Variants in RNGTT observed in about 807,000 individuals in gnomAD.
The protein encoded by RNGTT is mRNA-capping enzyme.
RNGTT carries 33 observed loss-of-function variants against 79.3 expected under a neutral mutation model. The observed-to-expected ratio is 0.42, with a 90% confidence interval of 0.32 to 0.56. The LOEUF is 0.56. Ranked by LOEUF, RNGTT falls within the 20% of genes least tolerant of loss-of-function variation. The probability of loss-of-function intolerance (pLI) is 0.17; values close to 1 mark genes in which losing one functional copy is unlikely to be tolerated. For synonymous variants in RNGTT, 222 were observed against 235.9 expected (o/e 0.94, Z 0.54); for missense variants, 497 against 739.1 (o/e 0.67, Z 3.80).
chr6:88,841,159 C>T (rs1378645521), intron 11 of RNGTT, among the ~76,000 whole-genome samples: 1 of 152,124 alleles, frequency 6.6e-6, no homozygotes, highest in African/African-American at 2.4e-5. Context: ...CACAGTAGTA[C>T]ACAGGCTCTT....
At chr6:88,670,546 A>G (rs1261793992) in intron 14 of RNGTT, among the ~76,000 whole-genome samples, 6 of 152,184 alleles carry the variant, frequency 3.9e-5, no homozygotes, top group Non-Finnish European at 7.3e-5. Flanking sequence ...TTTCATGAGA[A>G]AGCAAAAAGT....
intron 14 of RNGTT, among the ~76,000 whole-genome samples, chr6:88,652,834 T>C (rs1051153576): frequency 1.3e-5 from 2 of 152,140 alleles, no homozygotes; most frequent in African/African-American, 4.8e-5. Flanking sequence ...TGTGCCTGCA[T>C]TTAGGGTAAG....
chr6:88,828,054 G>A (rs1447256025), intron 11 of RNGTT, among the ~76,000 whole-genome samples: 1 of 152,134 alleles, frequency 6.6e-6, no homozygotes, highest in East Asian at 1.9e-4. Flanking sequence ...AGGGACAGAT[G>A]GCCTCCTCAA....
chr6:88,705,734 G>A (rs1448328418), intron 13 of RNGTT, among the ~76,000 whole-genome samples: 1 of 152,078 alleles, frequency 6.6e-6, no homozygotes, highest in East Asian at 1.9e-4. Flanking sequence ...CTTTGCAAAT[G>A]TTCTGACTAT....
chr6:88,762,745 C>T (rs747947331), intron 13 of RNGTT, among the ~76,000 whole-genome samples: 3 of 152,068 alleles, frequency 2.0e-5, no homozygotes, highest in Non-Finnish European at 2.9e-5. Context: ...TGTATTATGT[C>T]ATTAAAGTCC....
chr6:88,787,594 G>A (rs1779270927), intron 12 of RNGTT, among the ~76,000 whole-genome samples: 1 of 152,084 alleles, frequency 6.6e-6, no homozygotes, highest in Non-Finnish European at 1.5e-5. Flanking sequence ...AGGAGGCTGA[G>A]GTTGCAGTGA....
intron 13 of RNGTT, among the ~76,000 whole-genome samples, chr6:88,687,537 T>C (rs1404366157): frequency 6.6e-6 from 1 of 152,182 alleles, no homozygotes; most frequent in East Asian, 1.9e-4. Context: ...CGCTCAGACA[T>C]GGCAGAGTGG....
chr6:88,726,714 G>A (rs1776920235), intron 13 of RNGTT, among the ~76,000 whole-genome samples: 1 of 152,178 alleles, frequency 6.6e-6, no homozygotes, highest in African/African-American at 2.4e-5. Context: ...GCTCAAATGT[G>A]TGGCATATTT....
chr6:88,818,897 A>G (rs1190591621), intron 11 of RNGTT, among the ~76,000 whole-genome samples: 2 of 152,206 alleles, frequency 1.3e-5, no homozygotes, highest in Non-Finnish European at 2.9e-5. Flanking sequence ...CATTTATGTG[A>G]CCATACATTT....
At chr6:88,841,286 A>C (rs1781279497) in intron 11 of RNGTT, among the ~76,000 whole-genome samples, 1 of 152,174 alleles carries the variant, frequency 6.6e-6, no homozygotes, top group Non-Finnish European at 1.5e-5. Flanking sequence ...CAGGTGTTAC[A>C]CAAAATCATA....
chr6:88,899,288 C>T (rs142358281), intron 6 of RNGTT, among the ~76,000 whole-genome samples: 3 of 150,752 alleles, frequency 2.0e-5, no homozygotes, highest in African/African-American at 7.3e-5. Flanking sequence ...TTTGAGACAG[C>T]CTATCACTCT....
chr6:88,952,131 G>A (rs1222907642), intron 1 of RNGTT, among the ~76,000 whole-genome samples: 1 of 152,082 alleles, frequency 6.6e-6, no homozygotes, highest in Non-Finnish European at 1.5e-5. Flanking sequence ...GGAGCTGGGT[G>A]AAGCCTTTCA....
chr6:88,957,848 A>G (rs1164504482), intron 1 of RNGTT, among the ~76,000 whole-genome samples: 1 of 152,214 alleles, frequency 6.6e-6, no homozygotes, highest in East Asian at 1.9e-4. Context: ...TCAAAGTACC[A>G]TCATCATTCT....
At chr6:88,884,399 A>G (rs1312795712) in intron 8 of RNGTT, among the ~76,000 whole-genome samples, 1 of 152,256 alleles carries the variant, frequency 6.6e-6, no homozygotes, top group Non-Finnish European at 1.5e-5. Context: ...AGACTATCTA[A>G]TTCTAAAGTG....
At chr6:88,823,731 G>A (rs544799061) in intron 11 of RNGTT, among the ~76,000 whole-genome samples, 1 of 152,090 alleles carries the variant, frequency 6.6e-6, no homozygotes, top group Non-Finnish European at 1.5e-5. Flanking sequence ...GGCCTTCATG[G>A]GTGTTCACAA....
Position 88,641,338 on chromosome 6 carries a change from TAAA to T in RNGTT, c.1507-26946_1507-26944del, listed in dbSNP as rs869118891. Among the ~76,000 whole-genome samples, 525 of 136,688 alleles carry T rather than the reference TAAA, an allele frequency of 3.8e-3. 2 individuals carry two copies. The highest frequency in any genetic ancestry group is 0.011 in the African/African-American group (409 of 37,360). 89.7% of individuals were successfully genotyped at this position (136,688 alleles called of 152,430 possible). ...TGGGCAACAGAGTGAGACTCTGTCT[TAAA>T]AAAAAAAAAAAAAAAAAATAACCAT... is the stretch of plus-strand genomic sequence containing the variant. On this transcript the variant is annotated intron_variant, in intron 14 of 15. Transcript: ENST00000369485.
At chr6:88,895,523 C>A (rs935015304) in intron 6 of RNGTT, among the ~76,000 whole-genome samples, 8 of 152,020 alleles carry the variant, frequency 5.3e-5, no homozygotes, top group Non-Finnish European at 1.0e-4. Flanking sequence ...AGAGAACTAT[C>A]AGAATTAATT....
At chr6:88,822,824 G>T (rs1015570575) in intron 11 of RNGTT, among the ~76,000 whole-genome samples, 1 of 152,140 alleles carries the variant, frequency 6.6e-6, no homozygotes, top group Non-Finnish European at 1.5e-5. Flanking sequence ...TTTAATTTTT[G>T]ACAAAGGTGT....
chr6:88,944,311 A>C (rs1292092880), intron 1 of RNGTT, among the ~76,000 whole-genome samples: 1 of 152,234 alleles, frequency 6.6e-6, no homozygotes, highest in Non-Finnish European at 1.5e-5. Flanking sequence ...CACCACTAAT[A>C]AATGGTAAAA....
Sources: allele counts gnomAD v4.1 joint callset (sites outside exome capture counted in the v4.1 genomes callset), GRCh38; gene constraint gnomAD v4.1.1; transcripts MANE v1.5; gene names NCBI Gene and HGNC (gene_info 2026-07-23, HGNC 2026-07-21).